Variants in MAP4 observed in about 807,000 individuals in gnomAD.
The protein encoded by MAP4 is microtubule-associated protein 4.
Under a neutral mutation model 170.2 loss-of-function variants are expected in MAP4, and 76 were observed. The observed-to-expected ratio is 0.45, with a 90% CI of 0.37 to 0.54. MAP4 has a LOEUF of 0.54. Among genes scored for constraint, MAP4 ranks in the 20% least tolerant of loss-of-function variants. The probability of loss-of-function intolerance (pLI) is 0.00; values close to 1 mark genes in which losing one functional copy is unlikely to be tolerated. For synonymous variants in MAP4, 909 were observed against 994.5 expected, an observed-to-expected ratio of 0.91 and a Z score of 1.62; for missense variants, 2,506 against 2,748.0, an observed-to-expected ratio of 0.91 and a Z score of 1.97.
chr3:48,033,099 T>C (rs1373103329), intron 1 of MAP4, among the ~76,000 whole-genome samples: 2 of 152,234 alleles, frequency 1.3e-5, no homozygotes, highest in Non-Finnish European at 2.9e-5. Flanking sequence ...TTAACAAATA[T>C]ATTTGTTCAA....
At chr3:48,034,833 T>C (rs2100117963) in intron 1 of MAP4, among the ~76,000 whole-genome samples, 1 of 151,944 alleles carries the variant, frequency 6.6e-6, no homozygotes, top group African/African-American at 2.4e-5. Context: ...GGCAACATAC[T>C]GAGACCTTGT....
Position 47,910,513 on chromosome 3 carries a change from T to C in MAP4, c.3908A>G (p.Glu1303Gly), listed in dbSNP as rs1464787156. Residue 1303 changes from glutamate (E) to glycine (G), a missense_variant, in exon 9 of 21, where the codon GAA becomes GGA. Transcript: ENST00000683076. ...VNFVELGTLG[E>G]NKISTVKAST... is the part of the protein sequence containing the mutation. ...AGCCTTGACTGTGCTTATCTTGTTT[T>C]CCCCAAGAGTCCCAAGCTCAACAAA... The C allele has an allele frequency of 2.0e-6, 3 of 1,536,078 alleles. No individual in the cohort carries two copies. The highest frequency in any genetic ancestry group is 3.9e-5 in the Admixed American group (2 of 50,978).
intron 5 of MAP4, 135 bp downstream of exon 5, chr3:47,921,630 A>C: frequency 4.9e-6 from 3 of 606,642 alleles, no homozygotes; most frequent in Non-Finnish European, 8.9e-6. Context: ...GTACATATTA[A>C]ATTCACATTT....
intron 10 of MAP4, among the ~76,000 whole-genome samples, chr3:47,898,085 G>A (rs977672527): frequency 1.3e-5 from 2 of 152,050 alleles, no homozygotes; most frequent in African/African-American, 2.4e-5. Context: ...TCTTTCTATG[G>A]TGCCTTAGCA....
chr3:47,952,860 G>A (rs893707957), intron 3 of MAP4, among the ~76,000 whole-genome samples: 10 of 151,564 alleles, frequency 6.6e-5, no homozygotes, highest in African/African-American at 2.4e-4. Context: ...GGAGGCAGAG[G>A]TTGTAGTGAG....
rs1187256481 is a variant in MAP4 at position 47,855,733 on chromosome 3, G to T, written c.6584-373C>A. Among the ~76,000 whole-genome samples the T allele has an allele frequency of 6.6e-6, 1 of 152,144 alleles. No homozygotes were observed. The highest frequency in any genetic ancestry group is 2.4e-5 in the African/African-American group (1 of 41,432). On this transcript the variant is annotated intron_variant, in intron 18 of 20. Coordinates refer to ENST00000683076, the MANE Select transcript of MAP4 (RefSeq NM_001385682.1). This position sits in a 1 kb window ranked among gnomAD's most constrained non-coding sequence, Gnocchi z 5.1. Reference sequence around the variant, plus strand: ...CCTCCCGCTAACTGGGCCATGCAGTGCTTCTCAGGCACAGCCTCACTGAAT... The same window carrying T: ...CCTCCCGCTAACTGGGCCATGCAGTTCTTCTCAGGCACAGCCTCACTGAAT...
chr3:47,927,833 T>C (rs2100046948), intron 4 of MAP4, among the ~76,000 whole-genome samples: 1 of 152,186 alleles, frequency 6.6e-6, no homozygotes, highest in Admixed American at 6.5e-5. Flanking sequence ...CAAAAGAGGA[T>C]ACATATATTT....
At chr3:48,034,111 G>C (rs1054186388) in intron 1 of MAP4, among the ~76,000 whole-genome samples, 1 of 152,050 alleles carries the variant, frequency 6.6e-6, no homozygotes, top group African/African-American at 2.4e-5. Flanking sequence ...CTACATATCA[G>C]TAGTATTCTA....
At chr3:47,964,184 G>C (rs1403160233) in intron 3 of MAP4, among the ~76,000 whole-genome samples, 1 of 152,192 alleles carries the variant, frequency 6.6e-6, no homozygotes, top group African/African-American at 2.4e-5. Context: ...CTGTGCAAAA[G>C]AACAGCATGA....
chr3:47,956,520 G>T (rs2154139433), intron 3 of MAP4, among the ~76,000 whole-genome samples: 1 of 152,292 alleles, frequency 6.6e-6, no homozygotes, highest in African/African-American at 2.4e-5. Flanking sequence ...GTAAGACATG[G>T]CCAGAAGCAG....
intron 5 of MAP4, among the ~76,000 whole-genome samples, 178 bp from the exon 6 acceptor site, chr3:47,919,019 C>T (rs1464016401): frequency 6.6e-6 from 1 of 152,090 alleles, no homozygotes; most frequent in Non-Finnish European, 1.5e-5. Flanking sequence ...GCAAGCTCCG[C>T]TTCCCGGGTT....
intron 17 of MAP4, among the ~76,000 whole-genome samples, chr3:47,864,373 T>C (rs2075583256): frequency 6.6e-6 from 1 of 152,128 alleles, no homozygotes; most frequent in South Asian, 2.1e-4. Flanking sequence ...AAACCCCGTC[T>C]CTACTAAAAG....
rs903489606 is a variant in MAP4, at chr3:47,869,205, A to G, written c.6408+9T>C. On this transcript the variant is annotated intron_variant, in intron 16 of 20. Coordinates refer to ENST00000683076, the MANE Select transcript of MAP4 (RefSeq NM_001385682.1). ...TCACCTTGCAGAGGTGGGTCTAAAT[A>G]AAACTCACTTTCCCCGCAGGTTGTT... 2 of 1,598,338 alleles carry G rather than the reference A, an allele frequency of 1.3e-6. No individual in the cohort carries two copies. The highest frequency in any genetic ancestry group is 3.3e-5 in the Admixed American group (2 of 59,998).
chr3:47,924,662 G>T (rs2100044784), intron 4 of MAP4, among the ~76,000 whole-genome samples: 1 of 152,162 alleles, frequency 6.6e-6, no homozygotes, highest in African/African-American at 2.4e-5. Context: ...GTGGTGATCT[G>T]AAGACCTGAC....
intron 1 of MAP4, among the ~76,000 whole-genome samples, chr3:48,075,483 C>T (rs1221290367): frequency 2.6e-5 from 4 of 151,784 alleles, no homozygotes; most frequent in Non-Finnish European, 4.4e-5. Flanking sequence ...GCTGCGATCA[C>T]GCCACTGCAC....
intron 2 of MAP4, among the ~76,000 whole-genome samples, chr3:47,985,893 T>A (rs1406842970): frequency 6.6e-6 from 1 of 152,236 alleles, no homozygotes; most frequent in Admixed American, 6.5e-5. Flanking sequence ...GAATATCTCA[T>A]CAGCATTTAA....
At chr3:48,017,906 T>C (rs116159781), upstream of MAP4, among the ~76,000 whole-genome samples, 3 of 152,126 alleles carry the variant, frequency 2.0e-5, no homozygotes, top group African/African-American at 2.4e-5. Flanking sequence ...TTTCCACAGA[T>C]AGCAGGAGGG....
intron 1 of MAP4, among the ~76,000 whole-genome samples, chr3:48,078,551 T>G (rs1283180937): frequency 3.9e-5 from 6 of 151,998 alleles, no homozygotes; most frequent in Non-Finnish European, 7.4e-5. Context: ...AGATATACAT[T>G]GGGGAAAACA....
At chr3:47,890,738 T>C (rs2100023448) in intron 10 of MAP4, among the ~76,000 whole-genome samples, 1 of 152,056 alleles carries the variant, frequency 6.6e-6, no homozygotes. Context: ...GGGGGTCTAG[T>C]TTTTATACCC....
Sources: allele counts gnomAD v4.1 joint callset (sites outside exome capture counted in the v4.1 genomes callset), GRCh38; gene constraint gnomAD v4.1.1; non-coding constraint Gnocchi (gnomAD v3.1); transcripts MANE v1.5; gene names NCBI Gene and HGNC (gene_info 2026-07-23, HGNC 2026-07-21).